GPX6: variants seen among roughly 807,000 people sequenced by gnomAD.
The protein encoded by GPX6 is glutathione peroxidase 6, also known as glutathione peroxidase 6 (olfactory).
GPX6 carries 21 observed loss-of-function variants against 20.0 expected under a neutral mutation model. The ratio of observed to expected loss-of-function variants is 1.05; its 90% CI spans 0.74 to 1.51. The LOEUF is 1.51. Ranked by LOEUF, GPX6 falls within the 40% of genes most tolerant of loss-of-function variation. The pLI is 0.00. For missense variants in GPX6, 233 were observed against 254.7 expected, an observed-to-expected ratio of 0.91 and a Z score of 0.58; for synonymous variants, 75 against 98.0, an observed-to-expected ratio of 0.77 and a Z score of 1.38.
At position 28,510,831 on chromosome 6, in the gene GPX6, A is replaced by G. The variant is rs374992726; in HGVS notation, c.161T>C (p.Ile54Thr). 9 of 1,613,970 alleles carry G rather than the reference A, an allele frequency of 5.6e-6. No individual in the cohort carries two copies. The highest frequency in any genetic ancestry group is 1.3e-5 in the African/African-American group (1 of 74,878). ...GALTLNGEEY[I>T]QFKQFAGKHV... is the part of the protein sequence containing the mutation. ...CTTGCCTGCAAACTGCTTGAATTGG[A>G]TGTACTCCTCGCCGTTGAGGGTGAG... Residue 54 changes from isoleucine (I) to threonine (T), a missense_variant, in exon 2 of 5, where the codon ATC becomes ACC. Ile to Thr is a moderately conservative substitution (Grantham distance 89, BLOSUM62 -1). Coordinates refer to ENST00000361902, the MANE Select transcript of GPX6 (RefSeq NM_182701.1).
At chr6:28,507,694 A>G (rs1356780246) in intron 2 of GPX6, among the ~76,000 whole-genome samples, 1 of 152,190 alleles carries the variant, frequency 6.6e-6, no homozygotes, top group African/African-American at 2.4e-5. Context: ...CCTCCTGAGT[A>G]GTTGGGATTA....
intron 4 of GPX6, 132 bp from the exon 5 acceptor site, chr6:28,504,630 C>T: frequency 1.3e-6 from 1 of 772,972 alleles, no homozygotes. Flanking sequence ...AACTACTTTG[C>T]ATGCTTCCAA....
chr6:28,504,576 T>G, intron 4 of GPX6, 78 bp from the exon 5 acceptor site: 1 of 1,280,124 alleles, frequency 7.8e-7, no homozygotes, highest in Non-Finnish European at 1.1e-6. Context: ...CAGTTTTATC[T>G]CCAGACTAGA....
chr6:28,512,675 C>A (rs6935046), intron 1 of GPX6, among the ~76,000 whole-genome samples: 1 of 152,188 alleles, frequency 6.6e-6, no homozygotes, highest in Admixed American at 6.5e-5. Context: ...TTTGTTCTTT[C>A]GCTCTTTGCA....
At chr6:28,513,257 ATAAGGCAGGGGTC>A (rs34457979) in intron 1 of GPX6, among the ~76,000 whole-genome samples, 15,863 of 152,204 alleles carry the variant, frequency 0.1, 1,318 homozygotes, top group East Asian at 0.42. Context: ...TGTCTTTGTG[ATAAGGCAGGGGTC>A]TAATGGAGCT....
Position 28,504,188 on chromosome 6 carries a change from G to A in GPX6, c.*104C>T. Reference sequence around the variant, plus strand: ...GGATGGTTTGGTCATCAGGAGGCTGGGTAGGCACGAGTGTGGAGCAAAGAA... The same window carrying A: ...GGATGGTTTGGTCATCAGGAGGCTGAGTAGGCACGAGTGTGGAGCAAAGAA... On this transcript the variant is annotated 3_prime_UTR_variant, in exon 5 of 5. Transcript: ENST00000361902. 1 of 1,124,676 alleles carries A rather than the reference G, an allele frequency of 8.9e-7. No homozygotes were observed. Among genetic ancestry groups the A allele is most frequent in the Non-Finnish European group, 1.3e-6 (1 of 764,652 alleles). 69.7% of individuals were successfully genotyped at this position (1,124,676 alleles called of 1,614,324 possible). A position where few individuals can be genotyped will look rare whatever the true frequency, so the allele number is the denominator to read the frequency against.
rs1048103792 is a variant in GPX6, at chr6:28,513,991, T to C, written c.87+1666A>G. Among the ~76,000 whole-genome samples the C allele has an allele frequency of 3.9e-5, 6 of 152,364 alleles. No individual in the cohort carries two copies. In the East Asian group the frequency reaches 9.6e-4, roughly 24 times the overall value. The stretch of plus-strand genomic sequence containing the variant: ...TCTGTACACATCTGTGCATATACAT[T>C]AGTCACAATATTTGGGAACATTAGC... On this transcript the variant is annotated intron_variant, in intron 1 of 4. Transcript: ENST00000361902.
chr6:28,512,626 G>A (rs1339658965), intron 1 of GPX6, among the ~76,000 whole-genome samples: 1 of 152,234 alleles, frequency 6.6e-6, no homozygotes, highest in Non-Finnish European at 1.5e-5. Context: ...GGAGCCAGCA[G>A]TGGCAGCCCC....
At chr6:28,509,978 T>C (rs138327163) in intron 2 of GPX6, among the ~76,000 whole-genome samples, 6 of 152,360 alleles carry the variant, frequency 3.9e-5, no homozygotes, top group African/African-American at 1.2e-4. Context: ...TTATCAGAAG[T>C]AACCGATGAG....
chr6:28,511,082 C>G (rs948576193), intron 1 of GPX6, among the ~76,000 whole-genome samples, 178 bp from the exon 2 acceptor site: 2 of 152,106 alleles, frequency 1.3e-5, no homozygotes. Context: ...GAATTTATGT[C>G]TTCTAAATTA....
chr6:28,507,794 G>C (rs1455360994), intron 2 of GPX6, among the ~76,000 whole-genome samples: 1 of 152,220 alleles, frequency 6.6e-6, no homozygotes, highest in East Asian at 1.9e-4. Context: ...TGAAACTCCT[G>C]ATGTTCAAGA....
intron 1 of GPX6, among the ~76,000 whole-genome samples, chr6:28,513,244 C>G (rs531511611): frequency 6.6e-6 from 1 of 152,124 alleles, no homozygotes; most frequent in African/African-American, 2.4e-5. Context: ...ACAGAAAGTC[C>G]TCTGTCTTTG....
intron 1 of GPX6, among the ~76,000 whole-genome samples, chr6:28,513,031 A>T (rs1762931260): frequency 6.6e-6 from 1 of 152,140 alleles, no homozygotes. Context: ...AAAACCCACC[A>T]ATTTTGAACA....
chr6:28,513,711 A>T (rs937468439), intron 1 of GPX6, among the ~76,000 whole-genome samples: 2 of 55,678 alleles, frequency 3.6e-5, no homozygotes, highest in African/African-American at 3.2e-4. Context: ...AGAGGCTATA[A>T]GTCCTGGCCA....
rs577825494 is a variant in GPX6, at chr6:28,514,509, G to GT, written c.87+1147dup. Among the ~76,000 whole-genome samples the GT allele has an allele frequency of 1.3e-3, 191 of 152,338 alleles. 1 individual carries two copies. Among genetic ancestry groups the GT allele is most frequent in the Non-Finnish European group, 2.5e-3 (171 of 68,020 alleles). On this transcript the variant is annotated intron_variant, in intron 1 of 4. Transcript: ENST00000361902. ...AAGTGATCTGTTACCTTTCTGGAAA[G>GT]TAAGTAAGTAAGCTGTCTTATGGCT... is the stretch of plus-strand genomic sequence containing the variant.
intron 1 of GPX6, among the ~76,000 whole-genome samples, chr6:28,512,639 T>C (rs1762908247): frequency 6.6e-6 from 1 of 152,288 alleles, no homozygotes; most frequent in African/African-American, 2.4e-5. Flanking sequence ...GCAGCCCCCG[T>C]GGGTCCCCTT....
chr6:28,506,736 C>T (rs923826635), intron 2 of GPX6, among the ~76,000 whole-genome samples: 12 of 149,124 alleles, frequency 8.0e-5, no homozygotes, highest in African/African-American at 2.7e-4. Flanking sequence ...CACACACACA[C>T]GTTGGTAGCC....
At chr6:28,505,393 T>G (rs1019729224) in intron 4 of GPX6, among the ~76,000 whole-genome samples, 2 of 152,226 alleles carry the variant, frequency 1.3e-5, no homozygotes, top group African/African-American at 4.8e-5. Context: ...AAATGTGAGT[T>G]CCTTCAGGGA....
intron 2 of GPX6, among the ~76,000 whole-genome samples, chr6:28,509,488 C>T (rs1321424883): frequency 1.3e-5 from 2 of 152,062 alleles, no homozygotes; most frequent in East Asian, 3.9e-4. Context: ...GAGCTGAGAT[C>T]ACACCACTGC....
Sources: gnomAD v4.1 joint callset for allele counts (sites outside exome capture counted in the v4.1 genomes callset) on GRCh38, gnomAD v4.1.1 for gene constraint, MANE v1.5 for transcripts, NCBI Gene and HGNC (gene_info 2026-07-23, HGNC 2026-07-21) for gene names.